The following AKAP10 variants were observed in gnomAD, a reference collection of about 807,000 sequenced individuals.
AKAP10 encodes the protein A-kinase anchor protein 10, mitochondrial.
Under a neutral mutation model 80.8 loss-of-function variants are expected in AKAP10, and 24 were observed. That is an observed-to-expected ratio of 0.30 (90% CI 0.22 to 0.42). The LOEUF (loss-of-function observed/expected upper bound fraction) is 0.42. AKAP10 is among the 10% of genes least tolerant of loss of function. The pLI is 1.00. For missense variants in AKAP10, 661 were observed against 794.9 expected (o/e 0.83, Z 2.03); for synonymous variants, 291 against 277.7 (o/e 1.05, Z -0.48).
At chr17:19,974,985 A>G (rs762639204) in intron 1 of AKAP10, among the ~76,000 whole-genome samples, 2 of 152,150 alleles carry the variant, frequency 1.3e-5, no homozygotes, top group Non-Finnish European at 1.5e-5. Flanking sequence ...TTTTTAAGAT[A>G]TAAGTTCAGA....
At chr17:19,957,459 A>G (rs776141132) in intron 4 of AKAP10, among the ~76,000 whole-genome samples, 13 of 151,758 alleles carry the variant, frequency 8.6e-5, no homozygotes, top group Non-Finnish European at 1.8e-4. Context: ...GGAGAATGGC[A>G]TGAACCCGGA....
chr17:19,915,032 A>T (rs527932937), intron 12 of AKAP10, among the ~76,000 whole-genome samples: 2 of 152,360 alleles, frequency 1.3e-5, no homozygotes, highest in South Asian at 4.1e-4. Context: ...TAACGTATGC[A>T]TAGGGCAAGA....
At chr17:19,939,621 C>G in intron 8 of AKAP10, 92 bp downstream of exon 8, 1 of 1,451,474 alleles carries the variant, frequency 6.9e-7, no homozygotes, top group East Asian at 2.3e-5. Context: ...AGCTCCTTGA[C>G]AACAGAGACT....
At chr17:19,964,152 G>C (rs1221705358) in intron 2 of AKAP10, among the ~76,000 whole-genome samples, 1 of 152,184 alleles carries the variant, frequency 6.6e-6, no homozygotes, top group Non-Finnish European at 1.5e-5. Context: ...ACAAAAGCCA[G>C]TTTTCGTGTT....
At chr17:19,952,714 C>A (rs1191754440) in intron 4 of AKAP10, among the ~76,000 whole-genome samples, 1 of 151,948 alleles carries the variant, frequency 6.6e-6, no homozygotes, top group Non-Finnish European at 1.5e-5. Context: ...ATAAAACAGG[C>A]AATTCACCCA....
At chr17:19,970,573 A>C (rs1306525627) in intron 1 of AKAP10, among the ~76,000 whole-genome samples, 1 of 152,206 alleles carries the variant, frequency 6.6e-6, no homozygotes, top group Non-Finnish European at 1.5e-5. Context: ...CTGTAATCCC[A>C]GGACTTTGGG....
intron 2 of AKAP10, among the ~76,000 whole-genome samples, chr17:19,963,540 C>T (rs556296904): frequency 4.6e-5 from 7 of 152,210 alleles, no homozygotes; most frequent in Non-Finnish European, 1.0e-4. Flanking sequence ...TTAAACCTTG[C>T]TTGCTTTAGG....
chr17:19,957,891 T>C, intron 4 of AKAP10, 123 bp downstream of exon 4: 3 of 1,056,586 alleles, frequency 2.8e-6, no homozygotes, highest in Non-Finnish European at 4.0e-6. Context: ...CTCCCAAATT[T>C]ACAAGTAGTT....
chr17:19,959,728 G>A (rs1265773125), intron 3 of AKAP10, among the ~76,000 whole-genome samples: 1 of 152,138 alleles, frequency 6.6e-6, no homozygotes, highest in Non-Finnish European at 1.5e-5. Context: ...AAAACTGACT[G>A]AGGGTTTCAT....
chr17:19,970,542 G>A (rs2043482174), intron 1 of AKAP10, among the ~76,000 whole-genome samples: 2 of 152,058 alleles, frequency 1.3e-5, no homozygotes, highest in African/African-American at 4.8e-5. Flanking sequence ...ATATTTCCTG[G>A]CCAAGCGCAG....
chr17:19,973,409 T>C (rs1317807839), intron 1 of AKAP10, among the ~76,000 whole-genome samples: 1 of 152,222 alleles, frequency 6.6e-6, no homozygotes, highest in Non-Finnish European at 1.5e-5. Flanking sequence ...GATTTGGCCC[T>C]TAACAGAAAA....
At chr17:19,943,711 C>A (rs1158250228) in intron 5 of AKAP10, among the ~76,000 whole-genome samples, 1 of 152,208 alleles carries the variant, frequency 6.6e-6, no homozygotes, top group Non-Finnish European at 1.5e-5. Flanking sequence ...ACTGTGGGAA[C>A]TCCAATTTAT....
chr17:19,907,532 C>T (rs566117809), intron 14 of AKAP10, among the ~76,000 whole-genome samples: 13 of 151,814 alleles, frequency 8.6e-5, no homozygotes, highest in Non-Finnish European at 1.2e-4. Context: ...ATTCTTGTGC[C>T]TCAGCCTCCC....
intron 8 of AKAP10, 109 bp from the exon 9 acceptor site, chr17:19,936,539 G>A (rs2042994679): frequency 9.3e-7 from 1 of 1,070,220 alleles, no homozygotes; most frequent in Admixed American, 2.6e-5. Flanking sequence ...TGAGCCTGCA[G>A]GCCTAGAACT....
intron 5 of AKAP10, 31 bp downstream of exon 5, chr17:19,947,376 T>C: frequency 3.3e-6 from 5 of 1,513,030 alleles, no homozygotes; most frequent in Non-Finnish European, 4.5e-6. Context: ...TTTGTCATTT[T>C]TTTTTTGCCA....
At position 19,949,497 on chromosome 17, in the gene AKAP10, C is replaced by T. The variant is rs548506521; in HGVS notation, c.878-1992G>A. On this transcript the variant is annotated intron_variant, in intron 4 of 14. Coordinates refer to ENST00000225737, the MANE Select transcript of AKAP10 (RefSeq NM_007202.4). ...AAAAATATTTAAAGACTTAGCCGGGCGCGGTGGCTCACGCCTGTAATCCCA... is the reference window on the plus strand; with the variant it reads ...AAAAATATTTAAAGACTTAGCCGGGTGCGGTGGCTCACGCCTGTAATCCCA... Among the ~76,000 whole-genome samples, 71 of 152,210 alleles carry T rather than the reference C, an allele frequency of 4.7e-4. 1 individual carries two copies. The highest frequency in any genetic ancestry group is 3.4e-3 in the Middle Eastern group (1 of 294).
At chr17:19,947,272 T>C in intron 5 of AKAP10, 135 bp downstream of exon 5, 1 of 700,796 alleles carries the variant, frequency 1.4e-6, no homozygotes, top group East Asian at 2.6e-5. Context: ...ATATAAAAAA[T>C]ACTCAGAAAA....
At chr17:19,933,049 G>A (rs915997118) in intron 9 of AKAP10, among the ~76,000 whole-genome samples, 7 of 151,676 alleles carry the variant, frequency 4.6e-5, no homozygotes, top group Non-Finnish European at 7.4e-5. Context: ...ACGTATTTTC[G>A]CTTTTGTCCC....
intron 10 of AKAP10, among the ~76,000 whole-genome samples, chr17:19,925,609 G>A (rs1178646937): frequency 6.6e-6 from 1 of 150,798 alleles, no homozygotes; most frequent in Non-Finnish European, 1.5e-5. Context: ...CTGCAGCATT[G>A]TTTAAAATAA....
Sources: gnomAD v4.1 joint callset for allele counts (sites outside exome capture counted in the v4.1 genomes callset) on GRCh38, gnomAD v4.1.1 for gene constraint, MANE v1.5 for transcripts, NCBI Gene and HGNC (gene_info 2026-07-23, HGNC 2026-07-21) for gene names.